PCDH11X: variants seen among roughly 807,000 people sequenced by gnomAD.
PCDH11X encodes the protein protocadherin-11 X-linked.
Under a neutral mutation model 53.3 loss-of-function variants are expected in PCDH11X, and 18 were observed. That is an observed-to-expected ratio of 0.34 (90% CI 0.23 to 0.50). The LOEUF (loss-of-function observed/expected upper bound fraction) is 0.50, where lower values mean the gene tolerates loss of function less well. PCDH11X is among the 20% of genes least tolerant of loss of function. The pLI, the probability that PCDH11X is intolerant of heterozygous loss-of-function variation, is 0.98. For missense variants in PCDH11X, 570 were observed against 1,032.4 expected, an observed-to-expected ratio of 0.55 and a Z score of 6.14; for synonymous variants, 279 against 393.3, an observed-to-expected ratio of 0.71 and a Z score of 3.44.
intron 10 of PCDH11X, among the ~76,000 whole-genome samples, chrX:92,568,565 C>T (rs893385228): frequency 2.4e-4 from 26 of 109,339 alleles, no homozygotes; most frequent in African/African-American, 6.0e-4. Context: ...TAGAATAAAC[C>T]GTAAGTCAAT....
chrX:92,081,889 T>A (rs1253647881), intron 6 of PCDH11X, among the ~76,000 whole-genome samples: 2 of 111,724 alleles, frequency 1.8e-5, no homozygotes, highest in Non-Finnish European at 1.9e-5. Context: ...AGACCAAAAA[T>A]ATGTTGTTTT....
At chrX:92,225,615 G>A (rs2066955700) in intron 7 of PCDH11X, among the ~76,000 whole-genome samples, 1 of 111,304 alleles carries the variant, frequency 9.0e-6, no homozygotes, top group Non-Finnish European at 1.9e-5. Flanking sequence ...TGTTGGTAAA[G>A]GCACTGGAGC....
At chrX:92,256,462 C>A (rs961801554) in intron 7 of PCDH11X, among the ~76,000 whole-genome samples, 23 of 111,648 alleles carry the variant, frequency 2.1e-4, no homozygotes, top group African/African-American at 7.5e-4. Context: ...CATCTTGGCT[C>A]CTCCCTCCGG....
intron 6 of PCDH11X, among the ~76,000 whole-genome samples, chrX:92,094,450 G>A (rs1245137278): frequency 9.0e-6 from 1 of 110,631 alleles, no homozygotes; most frequent in Non-Finnish European, 1.9e-5. Flanking sequence ...TGATATGCAG[G>A]TGTTATTCAG....
intron 7 of PCDH11X, among the ~76,000 whole-genome samples, chrX:92,202,406 A>C: frequency 9.0e-6 from 1 of 111,148 alleles, no homozygotes; most frequent in South Asian, 3.8e-4. Flanking sequence ...CACCAGCTTC[A>C]GGTGTTTTCT....
chrX:92,236,446 G>C (rs1225915743), intron 7 of PCDH11X, among the ~76,000 whole-genome samples: 1 of 111,848 alleles, frequency 8.9e-6, no homozygotes, highest in Non-Finnish European at 1.9e-5. Context: ...AGTAGCACTT[G>C]TCTTAACCTT....
intron 6 of PCDH11X, among the ~76,000 whole-genome samples, chrX:92,088,490 C>T (rs1398571496): frequency 5.5e-5 from 6 of 110,086 alleles, no homozygotes; most frequent in African/African-American, 2.0e-4. Context: ...TGATAATTCT[C>T]ATTTTCAATA....
At chrX:92,460,307 A>G in intron 9 of PCDH11X, 2 of 791,890 alleles carry the variant, frequency 2.5e-6, no homozygotes, top group Admixed American at 4.4e-5. Context: ...TTCATGAAGA[A>G]CCACGAAGAG....
chrX:92,120,161 T>C (rs1325063149), intron 6 of PCDH11X, among the ~76,000 whole-genome samples: 4 of 70,179 alleles, frequency 5.7e-5, no homozygotes, highest in Non-Finnish European at 7.2e-5. Context: ...CTTTCTTTTT[T>C]TTTTTTTTTT....
chrX:92,591,025 G>A (rs1277046178), intron 10 of PCDH11X, among the ~76,000 whole-genome samples: 1 of 111,147 alleles, frequency 9.0e-6, no homozygotes, highest in Non-Finnish European at 1.9e-5. Context: ...GGTCAATATT[G>A]GGTGTTCAGC....
intron 7 of PCDH11X, among the ~76,000 whole-genome samples, chrX:92,209,740 T>C (rs187210787): frequency 2.6e-4 from 29 of 112,694 alleles, no homozygotes; most frequent in Admixed American, 2.4e-3. Context: ...CAACCCCACA[T>C]ATCCCCTCTG....
At chrX:92,340,688 C>T (rs2069735108) in intron 8 of PCDH11X, among the ~76,000 whole-genome samples, 1 of 112,008 alleles carries the variant, frequency 8.9e-6, no homozygotes, top group East Asian at 2.9e-4. Context: ...AGGCCCTGGT[C>T]CTGGCACACA....
Position 91,793,282 on chromosome X carries a change from T to C in PCDH11X, c.-379+13598T>C, listed in dbSNP as rs572885326. ...ATCCTTGTTCTTATCCCTGGAATAA[T>C]ATTTGTTTTATCAGCTAATATATGC... On this transcript the variant is annotated intron_variant, in intron 1 of 10. Coordinates refer to ENST00000682573, the MANE Select transcript of PCDH11X (RefSeq NM_032968.5). Among the ~76,000 whole-genome samples, 13 of 107,950 alleles carry C rather than the reference T, an allele frequency of 1.2e-4. No individual in the cohort carries two copies. The South Asian group carries it at 4.4e-3, about 37-fold the overall frequency. The allele number at this position is 107,950 out of a possible 115,157, so 93.7% of individuals were successfully genotyped here.
In PCDH11X at chrX:91,847,714, T is replaced by C. The variant is rs765531857; in HGVS notation, c.540+11670T>C. 2.8e-3 allele frequency among the ~76,000 whole-genome samples: 312 copies of C among 111,415 alleles called. 1 individual carries two copies. The highest frequency in any genetic ancestry group is 9.7e-3 in the African/African-American group (296 of 30,613). The stretch of plus-strand genomic sequence containing the variant: ...TGGCAAAAGACTAGCTTCTGAAGAA[T>C]TGTCTAACAGCAGAAACGCTGTCAT... On this transcript the variant is annotated intron_variant, in intron 5 of 10. Coordinates refer to ENST00000682573, the MANE Select transcript of PCDH11X (RefSeq NM_032968.5).
At chrX:92,218,397 C>T (rs1220184755) in intron 7 of PCDH11X, among the ~76,000 whole-genome samples, 1 of 111,284 alleles carries the variant, frequency 9.0e-6, no homozygotes, top group Non-Finnish European at 1.9e-5. Flanking sequence ...TCCAAACTAC[C>T]ATCAGAGAAT....
chrX:92,254,678 T>C (rs1298545272), intron 7 of PCDH11X, among the ~76,000 whole-genome samples: 1 of 108,415 alleles, frequency 9.2e-6, no homozygotes, highest in African/African-American at 3.4e-5. Context: ...TGTAAAGTAT[T>C]TTATTTCTCC....
intron 6 of PCDH11X, among the ~76,000 whole-genome samples, chrX:92,195,012 T>C (rs2066269658): frequency 9.0e-6 from 1 of 111,620 alleles, no homozygotes; most frequent in Non-Finnish European, 1.9e-5. Context: ...TCAGTTTAGC[T>C]GAGATTTAAG....
At chrX:92,513,616 A>C (rs1241588201) in intron 10 of PCDH11X, among the ~76,000 whole-genome samples, 2 of 108,458 alleles carry the variant, frequency 1.8e-5, no homozygotes, top group Non-Finnish European at 1.9e-5. Context: ...AAGCTTCTGA[A>C]GATTCACTTA....
chrX:92,255,233 C>T (rs1053232173), intron 7 of PCDH11X, among the ~76,000 whole-genome samples: 11 of 107,844 alleles, frequency 1.0e-4, no homozygotes, highest in Middle Eastern at 4.8e-3. Context: ...TTGATCGCAT[C>T]GGCTCCTGAG....
Sources: gnomAD v4.1 joint callset for allele counts (sites outside exome capture counted in the v4.1 genomes callset) on GRCh38, gnomAD v4.1.1 for gene constraint, MANE v1.5 for transcripts, NCBI Gene and HGNC (gene_info 2026-07-23, HGNC 2026-07-21) for gene names.